Variants in ZBTB21 observed in about 807,000 individuals in gnomAD.
The protein encoded by ZBTB21 is zinc finger and BTB domain containing 21.
A neutral mutation model predicts 39.8 loss-of-function variants in ZBTB21; 10 were observed. The observed-to-expected ratio is 0.25, with a 90% confidence interval of 0.16 to 0.43. ZBTB21 has a LOEUF of 0.43. Ranked by LOEUF, ZBTB21 falls within the 20% of genes least tolerant of loss-of-function variation. The pLI is 1.00. For missense variants in ZBTB21, 1,221 were observed against 1,296.3 expected, an observed-to-expected ratio of 0.94 and a Z score of 0.89; for synonymous variants, 551 against 498.8, an observed-to-expected ratio of 1.10 and a Z score of -1.40.
chr21:41,991,200 C>G lies in ZBTB21; in HGVS notation c.2896G>C (p.Glu966Gln). 4 of 1,614,142 alleles carry G rather than the reference C, an allele frequency of 2.5e-6. No homozygotes were observed. Among genetic ancestry groups the G allele is most frequent in the Non-Finnish European group, 3.4e-6 (4 of 1,180,038 alleles). Residue 966 changes from glutamate to glutamine, a missense_variant, in exon 3 of 3, where the codon GAA (glutamate) becomes CAA (glutamine). This residue lies in a region of ZBTB21 where 523 missense variants were observed against 542.5 expected (regional missense o/e 0.96). Coordinates refer to ENST00000310826, the MANE Select transcript of ZBTB21 (RefSeq NM_001098402.2). This position sits in a 1 kb window ranked among gnomAD's most constrained non-coding sequence, Gnocchi z 4.9. ...FQSHMSQASE[E>Q]SAHKESEVCP... is the part of the protein sequence containing the mutation. ...ACCTCAGATTCCTTATGTGCCGATT[C>G]CTCTGAAGCCTGAGACATGTGCGAT...
chr21:42,010,328 C>T lies in ZBTB21; in HGVS notation c.-155G>A. 2.5e-6 allele frequency: 1 copy of T among 397,628 alleles called. No homozygotes were observed. The highest frequency in any genetic ancestry group is 3.6e-5 in the East Asian group (1 of 27,976). 24.6% of individuals were successfully genotyped at this position (397,628 alleles called of 1,614,324 possible). A position where few individuals can be genotyped will look rare whatever the true frequency, so the allele number is the denominator to read the frequency against. On this transcript the variant is annotated 5_prime_UTR_variant, in exon 1 of 3. Transcript: ENST00000310826. ...TCGCGCGCGCCGCAGCCGCCGCTGC[C>T]GCTGTGATTCCATCCATCTTGAATT...
intron 2 of ZBTB21, among the ~76,000 whole-genome samples, chr21:41,996,021 G>C (rs1482381531): frequency 2.6e-5 from 4 of 152,254 alleles, no homozygotes; most frequent in Non-Finnish European, 5.9e-5. Flanking sequence ...TGTATATCCA[G>C]GAAGAAGTCT....
chr21:41,989,433 G>A lies in ZBTB21; in HGVS notation c.*1462C>T, dbSNP rs911129646. ...TAAAAAAAATTTGAAAGAATACCTCGTAACACAAACTAGAGTCTAAATTGG... is the reference window on the plus strand; with the variant it reads ...TAAAAAAAATTTGAAAGAATACCTCATAACACAAACTAGAGTCTAAATTGG... On this transcript the variant is annotated 3_prime_UTR_variant, in exon 3 of 3. Coordinates refer to ENST00000310826, the MANE Select transcript of ZBTB21 (RefSeq NM_001098402.2). 1.3e-5 allele frequency: 2 copies of A among 151,952 alleles called. No individual in the cohort carries two copies. The highest frequency in any genetic ancestry group is 6.6e-5 in the Admixed American group (1 of 15,258). The allele number at this position is 151,952 out of a possible 1,614,324, so 9.4% of individuals were successfully genotyped here. A position where few individuals can be genotyped will look rare whatever the true frequency, so the allele number is the denominator to read the frequency against.
chr21:41,993,042 C>T lies in ZBTB21; in HGVS notation c.1054G>A (p.Val352Ile), dbSNP rs1177314405. The change falls in exon 3 of 3, where the codon GTC (valine) becomes ATC (isoleucine). Residue 352 changes from valine (V) to isoleucine (I), a missense_variant. By Grantham distance (29) the Val-to-Ile change is conservative. Around this residue, in one of 4 missense-constraint regions of ZBTB21, gnomAD observed 500 missense variants for 465.6 expected, o/e 1.07. Coordinates refer to ENST00000310826, the MANE Select transcript of ZBTB21 (RefSeq NM_001098402.2). ...TTCAAATCTATGGAAGGTGAATAGACAGGAACCTGGCTATCCATCGACAAT... is the reference window on the plus strand; with the variant it reads ...TTCAAATCTATGGAAGGTGAATAGATAGGAACCTGGCTATCCATCGACAAT... ...RSLSMDSQVP[V>I]YSPSIDLKSS... 2 of 1,614,104 alleles carry T rather than the reference C, an allele frequency of 1.2e-6. No individual in the cohort carries two copies. The highest frequency in any genetic ancestry group is 2.7e-5 in the African/African-American group (2 of 74,928).
intron 1 of ZBTB21, chr21:42,007,838 C>T (rs1428794413): frequency 2.0e-5 from 3 of 152,358 alleles, no homozygotes; most frequent in East Asian, 3.9e-4. Context: ...CTCCAGCATC[C>T]GTTACAGAGC....
At position 41,991,968 on chromosome 21, in the gene ZBTB21, C is replaced by G; in HGVS notation, c.2128G>C (p.Ala710Pro). The G allele has an allele frequency of 1.2e-6, 2 of 1,614,150 alleles. No individual in the cohort carries two copies. Among genetic ancestry groups the G allele is most frequent in the Middle Eastern group, 1.6e-4 (1 of 6,062 alleles). ...VNKVAKPKEH[A>P]PLASPVENKE... Reference sequence around the variant, plus strand: ...TTTTCTACTGGACTTGCAAGAGGAGCATGCTCTTTTGGTTTAGCAACTTTA... The same window carrying G: ...TTTTCTACTGGACTTGCAAGAGGAGGATGCTCTTTTGGTTTAGCAACTTTA... The change falls in exon 3 of 3, where the codon GCT becomes CCT. Residue 710 changes from alanine (A) to proline (P), a missense_variant. By Grantham distance (27) the Ala-to-Pro change is conservative. This residue lies in a region of ZBTB21 where 523 missense variants were observed against 542.5 expected (regional missense o/e 0.96). Transcript: ENST00000310826. The surrounding 1 kb of genome is among the most constrained non-coding windows in gnomAD (Gnocchi z 4.9).
In ZBTB21 at chr21:41,986,956, A is replaced by G. The variant is rs143643239; in HGVS notation, c.*3939T>C. On this transcript the variant is annotated 3_prime_UTR_variant, in exon 3 of 3. Transcript: ENST00000310826. ...TAACATTAGATAGAAATCCTATTTTACCATGAATTTTCAGTTCGAAAAAGC... is the reference window on the plus strand; with the variant it reads ...TAACATTAGATAGAAATCCTATTTTGCCATGAATTTTCAGTTCGAAAAAGC... The G allele has an allele frequency of 1.7e-3, 260 of 152,800 alleles. 1 individual carries two copies. The highest frequency in any genetic ancestry group is 6.1e-3 in the African/African-American group (253 of 41,598). 9.5% of individuals were successfully genotyped at this position (152,800 alleles called of 1,614,324 possible).
intron 1 of ZBTB21, among the ~76,000 whole-genome samples, chr21:42,004,388 T>C (rs1328914914): frequency 6.6e-6 from 1 of 152,076 alleles, no homozygotes; most frequent in Non-Finnish European, 1.5e-5. Context: ...TTGTATGGAA[T>C]TAAGATTTTT....
rs143202688 is a variant in ZBTB21 at position 41,993,939 on chromosome 21, C to T, written c.157G>A (p.Glu53Lys). The T allele has an allele frequency of 4.1e-5, 66 of 1,614,084 alleles. No homozygotes were observed. Among genetic ancestry groups the T allele is most frequent in the African/African-American group, 1.2e-4 (9 of 74,938 alleles). Residue 53 changes from glutamate to lysine, a missense_variant, in exon 3 of 3, where the codon GAA becomes AAA. Around this residue, in one of 4 missense-constraint regions of ZBTB21, gnomAD observed 108 missense variants for 155.0 expected, o/e 0.70. Transcript: ENST00000310826. The stretch of plus-strand genomic sequence containing the variant: ...TTTGTGAATAAACTCTGAAAGTATT[C>T]GCTGCTGGCAGCCAAGACGTTTTTA... ...AHKNVLAASS[E>K]YFQSLFTNKE...
Position 41,989,598 on chromosome 21 carries a change from T to C in ZBTB21, c.*1297A>G, listed in dbSNP as rs575393405. ...AAGGCTTTCAATTACAAATTATACA[T>C]AGTATTCTTTGAAAAGCCCAAAACC... On this transcript the variant is annotated 3_prime_UTR_variant, in exon 3 of 3. Coordinates refer to ENST00000310826, the MANE Select transcript of ZBTB21 (RefSeq NM_001098402.2). The C allele has an allele frequency of 6.6e-6, 1 of 152,170 alleles. No individual in the cohort carries two copies. The highest frequency in any genetic ancestry group is 1.9e-4 in the East Asian group (1 of 5,184). The allele number at this position is 152,170 out of a possible 1,614,324, so 9.4% of individuals were successfully genotyped here. A position where few individuals can be genotyped will look rare whatever the true frequency, so the allele number is the denominator to read the frequency against.
chr21:41,998,790 A>G (rs1028758661), intron 2 of ZBTB21, among the ~76,000 whole-genome samples: 1 of 152,214 alleles, frequency 6.6e-6, no homozygotes, highest in African/African-American at 2.4e-5. Context: ...ACTCAATTTA[A>G]CCGACTGAGA....
At position 42,010,253 on chromosome 21, in the gene ZBTB21, G is replaced by A. The variant is rs1377856937; in HGVS notation, c.-80C>T. The A allele has an allele frequency of 5.0e-6, 2 of 398,144 alleles. No individual in the cohort carries two copies. The highest frequency in any genetic ancestry group is 8.9e-6 in the Non-Finnish European group (2 of 225,808). 24.7% of individuals were successfully genotyped at this position (398,144 alleles called of 1,614,324 possible). ...GCTAGGGGCGTGACAGTTACTCACC[G>A]GTCTTCAGTCTCGAGGCAGACGCCG... is the stretch of plus-strand genomic sequence containing the variant. On this transcript the variant is annotated splice_region_variant and 5_prime_UTR_variant, in exon 1 of 3. Coordinates refer to ENST00000310826, the MANE Select transcript of ZBTB21 (RefSeq NM_001098402.2).
At chr21:42,005,856 A>G (rs556429507) in intron 1 of ZBTB21, among the ~76,000 whole-genome samples, 19 of 152,374 alleles carry the variant, frequency 1.2e-4, no homozygotes, top group South Asian at 4.1e-4. Context: ...GATGCTAAGG[A>G]AACAAATAAA....
chr21:41,990,907 T>G lies in ZBTB21; in HGVS notation c.3189A>C (p.Gln1063His), dbSNP rs2146273518. Reference sequence around the variant, plus strand: ...AAGTGTTGGTCTTTCAATTGTGTGTTTGTTCGTGACTCCAAAGACTAAATG... The same window carrying G: ...AAGTGTTGGTCTTTCAATTGTGTGTGTGTTCGTGACTCCAAAGACTAAATG... ...KTAFSLWSHE[Q>H]THN The change falls in exon 3 of 3, where the codon CAA becomes CAC. Residue 1063 changes from glutamine (Q) to histidine (H), a missense_variant. Gln to His is a conservative substitution (Grantham distance 24). Around this residue, in one of 4 missense-constraint regions of ZBTB21, gnomAD observed 523 missense variants for 542.5 expected, o/e 0.96. Coordinates refer to ENST00000310826, the MANE Select transcript of ZBTB21 (RefSeq NM_001098402.2). 4 of 1,473,822 alleles carry G rather than the reference T, an allele frequency of 2.7e-6. No homozygotes were observed. Among genetic ancestry groups the G allele is most frequent in the East Asian group, 2.4e-5 (1 of 41,654 alleles). The allele number at this position is 1,473,822 out of a possible 1,614,324, so 91.3% of individuals were successfully genotyped here.
rs2065599548 is a variant in ZBTB21, at chr21:41,987,910, G to C, written c.*2985C>G. The stretch of plus-strand genomic sequence containing the variant: ...ATTAGCACCAATGGGACTACATATG[G>C]ATTCAAACGGTCACTCATTAAGTGC... On this transcript the variant is annotated 3_prime_UTR_variant, in exon 3 of 3. Coordinates refer to ENST00000310826, the MANE Select transcript of ZBTB21 (RefSeq NM_001098402.2). The C allele has an allele frequency of 6.6e-6, 1 of 152,146 alleles. No homozygotes were observed. The highest frequency in any genetic ancestry group is 1.5e-5 in the Non-Finnish European group (1 of 68,032). The allele number at this position is 152,146 out of a possible 1,614,324, so 9.4% of individuals were successfully genotyped here.
At chr21:42,010,004 G>A (rs1310994713) in intron 1 of ZBTB21, among the ~76,000 whole-genome samples, 2 of 152,258 alleles carry the variant, frequency 1.3e-5, no homozygotes, top group Non-Finnish European at 2.9e-5. Flanking sequence ...GCGAGGCCAA[G>A]TGCTGGCAGG....
At chr21:42,001,648 G>A (rs962568569) in intron 2 of ZBTB21, among the ~76,000 whole-genome samples, 13 of 152,166 alleles carry the variant, frequency 8.5e-5, no homozygotes, top group Non-Finnish European at 1.5e-4. Flanking sequence ...AGGACATTTC[G>A]AGGGACGAGT....
At chr21:41,995,067 C>T (rs2065727829) in intron 2 of ZBTB21, among the ~76,000 whole-genome samples, 1 of 152,158 alleles carries the variant, frequency 6.6e-6, no homozygotes. Flanking sequence ...TTGTAAGTTA[C>T]CCAGTCTTGG....
At position 41,992,390 on chromosome 21, in the gene ZBTB21, T is replaced by C; in HGVS notation, c.1706A>G (p.His569Arg). The change falls in exon 3 of 3, where the codon CAT becomes CGT. Residue 569 changes from histidine (H) to arginine (R), a missense_variant. Physicochemically the swap from His to Arg is conservative, Grantham distance 29. This residue lies in a region of ZBTB21 where 90 missense variants were observed against 133.1 expected (regional missense o/e 0.68). Transcript: ENST00000310826. This position sits in a 1 kb window ranked among gnomAD's most constrained non-coding sequence, Gnocchi z 4.1. ...AGLHRHVNMY[H>R]NPEKPYACDI... ...ACAAGCGTAGGGCTTTTCTGGGTTATGGTACATGTTAACATGACGGTGAAG... is the reference window on the plus strand; with the variant it reads ...ACAAGCGTAGGGCTTTTCTGGGTTACGGTACATGTTAACATGACGGTGAAG... 6.2e-7 allele frequency: 1 copy of C among 1,614,236 alleles called. No homozygotes were observed. The highest frequency in any genetic ancestry group is 8.5e-7 in the Non-Finnish European group (1 of 1,180,034).
Sources: gnomAD v4.1 joint callset for allele counts (sites outside exome capture counted in the v4.1 genomes callset) on GRCh38, gnomAD v4.1.1 for gene constraint, gnomAD v4.1.1 regional missense constraint, Gnocchi (gnomAD v3.1) non-coding constraint, MANE v1.5 for transcripts, NCBI Gene and HGNC (gene_info 2026-07-23, HGNC 2026-07-21) for gene names.